Variants in KDM5C observed in about 807,000 individuals in gnomAD.
KDM5C encodes the protein lysine demethylase 5C.
In KDM5C, 16 loss-of-function variants were observed where a neutral mutation model predicts 110.6. That is an observed-to-expected ratio of 0.14 (90% CI 0.10 to 0.22). KDM5C has a LOEUF of 0.22. Ranked by LOEUF, KDM5C falls within the 10% of genes least tolerant of loss-of-function variation. The pLI, the probability that KDM5C is intolerant of heterozygous loss-of-function variation, is 1.00. For synonymous variants in KDM5C, 511 were observed against 520.4 expected, an observed-to-expected ratio of 0.98 and a Z score of 0.24; for missense variants, 681 against 1,300.9, an observed-to-expected ratio of 0.52 and a Z score of 7.33.
At chrX:53,182,032 C>T (rs1218299677) in intron 25 of KDM5C, among the ~76,000 whole-genome samples, 4 of 111,259 alleles carry the variant, frequency 3.6e-5, no homozygotes, top group Non-Finnish European at 7.5e-5. Context: ...TCGTGATTAG[C>T]CCGCCTCGGC....
intron 4 of KDM5C, among the ~76,000 whole-genome samples, chrX:53,217,523 A>T (rs2073779946): frequency 9.0e-6 from 1 of 111,663 alleles, no homozygotes; most frequent in Non-Finnish European, 1.9e-5. Flanking sequence ...CAACTAAATC[A>T]GACGCCATCT....
downstream of KDM5C, among the ~76,000 whole-genome samples, chrX:53,188,348 T>C (rs1934292115): frequency 9.2e-6 from 1 of 108,591 alleles, no homozygotes; most frequent in Middle Eastern, 4.7e-3. Flanking sequence ...TCCCCTCCCA[T>C]TGAGTGTGGC....
chrX:53,194,274 C>T lies in KDM5C; in HGVS notation c.3903G>A (p.Val1301=), dbSNP rs1374957684. The change falls in exon 23 of 26, where the codon GTG becomes GTA. Residue 1301 remains valine, a synonymous_variant. Coordinates refer to ENST00000375401, the MANE Select transcript of KDM5C (RefSeq NM_004187.5). ...CAGCCAGCCGTCCCAAAAGAGCAGT[C>T]ACATCTTCAGAGGCCAGAGCCTGCC... ...RARQALASED[V]TALLGRLAEL... 11 of 1,211,312 alleles carry T rather than the reference C, an allele frequency of 9.1e-6. No homozygotes were observed. The highest frequency in any genetic ancestry group is 1.2e-5 in the Non-Finnish European group (11 of 895,416).
At chrX:53,190,726 AG>A (rs1202091035), downstream of KDM5C, among the ~76,000 whole-genome samples, 4 of 111,967 alleles carry the variant, frequency 3.6e-5, no homozygotes, top group East Asian at 1.1e-3. Flanking sequence ...TAGATGAAGC[AG>A]GGCTGAGCCA....
At chrX:53,202,944 G>A (rs1556843088) in intron 12 of KDM5C, among the ~76,000 whole-genome samples, 7 of 108,960 alleles carry the variant, frequency 6.4e-5, no homozygotes, top group East Asian at 2.9e-4. Flanking sequence ...CAGCCTCTCC[G>A]AATAGCTGGG....
chrX:53,185,378 CCTAA>C (rs1456601993), intron 25 of KDM5C, among the ~76,000 whole-genome samples: 4 of 112,211 alleles, frequency 3.6e-5, no homozygotes, highest in Admixed American at 2.8e-4. Flanking sequence ...ACAGAAAGTG[CCTAA>C]GCCTCTGAAT....
intron 8 of KDM5C, among the ~76,000 whole-genome samples, chrX:53,212,916 G>A (rs782766782): frequency 4.9e-4 from 54 of 110,843 alleles, no homozygotes; most frequent in African/African-American, 1.6e-3. Context: ...CAGGAGAATC[G>A]CTTGAACCCG....
chrX:53,197,598 T>C, intron 18 of KDM5C, 173 bp downstream of exon 18: 1 of 478,457 alleles, frequency 2.1e-6, no homozygotes, highest in Admixed American at 2.8e-5. Context: ...TCAAGGCCCA[T>C]TTCTAACAGA....
chrX:53,179,365 A>C (rs1330265431), intron 25 of KDM5C, among the ~76,000 whole-genome samples: 1 of 112,313 alleles, frequency 8.9e-6, no homozygotes, highest in Admixed American at 9.5e-5. Context: ...ATGAGAAAAC[A>C]AACTATAGAC....
intron 14 of KDM5C, among the ~76,000 whole-genome samples, chrX:53,200,983 C>A (rs1164576359): frequency 1.8e-5 from 2 of 112,655 alleles, no homozygotes; most frequent in Non-Finnish European, 3.8e-5. Context: ...GAGAAACATT[C>A]CAAATTTCAA....
In KDM5C at chrX:53,217,845, T is replaced by C; in HGVS notation, c.473A>G (p.Glu158Gly). ...NIGSLLRSHY[E>G]RIVYPYEMYQ... ...CATTTCATAGGGATAAACAATGCGT[T>C]CGTAGTGGGAGCGTAGCAAGGAGCC... is the stretch of plus-strand genomic sequence containing the variant. Residue 158 changes from glutamate to glycine, a missense_variant, in exon 4 of 26, where the codon GAA (glutamate) becomes GGA (glycine). By Grantham distance (98) the Glu-to-Gly change is moderately conservative. Around this residue, in one of 14 missense-constraint regions of KDM5C, gnomAD observed 55 missense variants for 118.0 expected, o/e 0.47. Coordinates refer to ENST00000375401, the MANE Select transcript of KDM5C (RefSeq NM_004187.5). 1 of 1,211,691 alleles carries C rather than the reference T, an allele frequency of 8.3e-7. No individual in the cohort carries two copies. Among genetic ancestry groups the C allele is most frequent in the Non-Finnish European group, 1.1e-6 (1 of 895,426 alleles).
In KDM5C at chrX:53,224,811, G is replaced by C; in HGVS notation, c.79C>G (p.Pro27Ala). 8.3e-7 allele frequency: 1 copy of C among 1,211,489 alleles called. No individual in the cohort carries two copies. Among genetic ancestry groups the C allele is most frequent in the Non-Finnish European group, 1.1e-6 (1 of 895,071 alleles). The change falls in exon 1 of 26, where the codon CCT becomes GCT. Residue 27 changes from proline (P) to alanine (A), a missense_variant. Physicochemically the swap from Pro to Ala is conservative, Grantham distance 27. Around this residue, in one of 14 missense-constraint regions of KDM5C, gnomAD observed 15 missense variants for 37.0 expected, o/e 0.41. Coordinates refer to ENST00000375401, the MANE Select transcript of KDM5C (RefSeq NM_004187.5). ...CTGATTTTCGCGATGTAGCCAAGAG[G>C]GTCTCGGAACTCGGCCCAGCTAGGC... ...FEPSWAEFRD[P>A]LGYIAKIRPI... is the part of the protein sequence containing the mutation.
rs1241690011 is a variant in KDM5C at position 53,176,606 on chromosome X, G to T, written c.4325C>A (p.Ala1442Asp). The change falls in exon 26 of 26, where the codon GCC becomes GAC. Residue 1442 changes from alanine (A) to aspartate (D), a missense_variant. Transcript: ENST00000685641. ...TCAGTTCCTCGATTCTCTCTGGGAG[G>T]CCTGATGGTTGGTTTCCTGAGAAAG... 6.2e-5 allele frequency among the ~76,000 whole-genome samples: 7 copies of T among 112,024 alleles called. No individual in the cohort carries two copies. The Admixed American group carries it at 6.7e-4, about 11-fold the overall frequency.
intron 2 of KDM5C, among the ~76,000 whole-genome samples, chrX:53,219,787 T>C (rs1315072115): frequency 8.9e-6 from 1 of 112,656 alleles, no homozygotes; most frequent in Non-Finnish European, 1.9e-5. Context: ...CTTTCTGAAG[T>C]TGGCCTCATC....
chrX:53,215,126 T>C (rs1184090492), intron 7 of KDM5C: 1 of 464,542 alleles, frequency 2.2e-6, no homozygotes, highest in Admixed American at 2.7e-5. Flanking sequence ...CTTCCAAGTA[T>C]ATACAGTACT....
In KDM5C at chrX:53,222,078, A is replaced by G. The variant is rs782814075; in HGVS notation, c.151-1162T>C. 2.7e-5 allele frequency among the ~76,000 whole-genome samples: 3 copies of G among 111,356 alleles called. No homozygotes were observed. In the East Asian group the frequency reaches 8.4e-4, roughly 31 times the overall value. ...CTCAGAGAAAAAAAGTGAAATTTCC[A>G]AAATTACATGCTGAGTTAGTGGTGG... On this transcript the variant is annotated intron_variant, in intron 1 of 25. Coordinates refer to ENST00000375401, the MANE Select transcript of KDM5C (RefSeq NM_004187.5).
chrX:53,193,982 G>A (rs1421596999), intron 23 of KDM5C, 131 bp from the exon 24 acceptor site: 6 of 942,883 alleles, frequency 6.4e-6, no homozygotes, highest in African/African-American at 3.9e-5. Flanking sequence ...TGCCAGCAGG[G>A]AGCAGAGTCT....
chrX:53,221,724 C>T, intron 1 of KDM5C: 1 of 981,198 alleles, frequency 1.0e-6, no homozygotes, highest in Non-Finnish European at 1.3e-6. Context: ...CTCTCTCATA[C>T]ACCTGCCTGG....
At chrX:53,192,139 A>G (rs782746090), downstream of KDM5C, 1 of 174,496 alleles carries the variant, frequency 5.7e-6, no homozygotes, top group African/African-American at 2.9e-5. Context: ...GTCTAAGAGA[A>G]ATGCACTTCA....
Sources: gnomAD v4.1 joint callset for allele counts (sites outside exome capture counted in the v4.1 genomes callset) on GRCh38, gnomAD v4.1.1 for gene constraint, gnomAD v4.1.1 regional missense constraint, MANE v1.5 for transcripts, NCBI Gene and HGNC (gene_info 2026-07-23, HGNC 2026-07-21) for gene names.